IMMP2L: variants seen among roughly 807,000 people sequenced by gnomAD.
IMMP2L encodes mitochondrial inner membrane protease subunit 2.
A neutral mutation model predicts 19.3 loss-of-function variants in IMMP2L; 18 were observed. The ratio of observed to expected loss-of-function variants is 0.93; its 90% CI spans 0.64 to 1.38. The LOEUF (loss-of-function observed/expected upper bound fraction) is 1.38. Ranked by LOEUF, IMMP2L falls within the 40% of genes most tolerant of loss-of-function variation. The probability of loss-of-function intolerance (pLI) is 0.00; values close to 1 mark genes in which losing one functional copy is unlikely to be tolerated. For missense variants in IMMP2L, 233 were observed against 218.2 expected, an observed-to-expected ratio of 1.07 and a Z score of -0.43; for synonymous variants, 76 against 73.0, an observed-to-expected ratio of 1.04 and a Z score of -0.21.
intron 5 of IMMP2L, among the ~76,000 whole-genome samples, chr7:110,867,226 G>A (rs958485346): frequency 1.4e-4 from 21 of 151,928 alleles, no homozygotes; most frequent in African/African-American, 4.8e-4. Context: ...TTACTGACTT[G>A]CTGATGGCTG....
intron 3 of IMMP2L, among the ~76,000 whole-genome samples, chr7:111,151,842 A>G (rs1804107713): frequency 6.6e-6 from 1 of 152,146 alleles, no homozygotes; most frequent in Non-Finnish European, 1.5e-5. Flanking sequence ...AGGCTGAGGC[A>G]CAAGAATCGT....
intron 5 of IMMP2L, among the ~76,000 whole-genome samples, chr7:110,813,416 G>A (rs1403311831): frequency 6.6e-6 from 1 of 150,568 alleles, no homozygotes. Context: ...AAAACATAAA[G>A]TTAAAACATT....
intron 5 of IMMP2L, among the ~76,000 whole-genome samples, chr7:110,770,997 T>C (rs1798995190): frequency 6.6e-6 from 1 of 152,124 alleles, no homozygotes; most frequent in Admixed American, 6.5e-5. Context: ...CTATCAGGGA[T>C]ACTCAGAATT....
chr7:111,131,464 A>C (rs1801839540), intron 3 of IMMP2L, among the ~76,000 whole-genome samples: 1 of 152,000 alleles, frequency 6.6e-6, no homozygotes, highest in Non-Finnish European at 1.5e-5. Flanking sequence ...AGGAAGGAAA[A>C]AGGAAAGGAA....
At chr7:111,043,078 C>T (rs1024081165) in intron 3 of IMMP2L, among the ~76,000 whole-genome samples, 2 of 152,178 alleles carry the variant, frequency 1.3e-5, no homozygotes, top group East Asian at 3.9e-4. Context: ...ATACTACACT[C>T]CCACTCCACC....
chr7:110,842,094 G>A (rs1383789758), intron 5 of IMMP2L, among the ~76,000 whole-genome samples: 2 of 152,046 alleles, frequency 1.3e-5, no homozygotes, highest in South Asian at 2.1e-4. Flanking sequence ...AGCCCAAAAG[G>A]ATTACAATTT....
intron 5 of IMMP2L, among the ~76,000 whole-genome samples, chr7:110,738,777 T>C (rs540523506): frequency 6.6e-6 from 1 of 152,296 alleles, no homozygotes; most frequent in East Asian, 1.9e-4. Context: ...CATCAGGTTA[T>C]CTAAAGACAA....
chr7:111,171,930 G>A (rs1442637768), intron 3 of IMMP2L, among the ~76,000 whole-genome samples: 1 of 140,742 alleles, frequency 7.1e-6, no homozygotes, highest in Non-Finnish European at 1.6e-5. Flanking sequence ...TAGGGGTGAA[G>A]AAAGGAATAA....
intron 3 of IMMP2L, among the ~76,000 whole-genome samples, chr7:111,071,212 A>C (rs1247289328): frequency 6.6e-6 from 1 of 152,152 alleles, no homozygotes; most frequent in Non-Finnish European, 1.5e-5. Flanking sequence ...TTAAATCCCC[A>C]CACATACAAA....
At chr7:110,827,094 A>T (rs1338635673) in intron 5 of IMMP2L, among the ~76,000 whole-genome samples, 2 of 152,118 alleles carry the variant, frequency 1.3e-5, no homozygotes, top group Non-Finnish European at 2.9e-5. Flanking sequence ...ATTTCTTAGC[A>T]TTCTAATAAA....
chr7:111,395,407 T>TG (rs1265493001), intron 3 of IMMP2L, among the ~76,000 whole-genome samples: 2 of 152,230 alleles, frequency 1.3e-5, no homozygotes, highest in African/African-American at 2.4e-5. Flanking sequence ...CTCCACACAT[T>TG]ACTACATGAA....
chr7:110,837,353 G>T (rs1417249953), intron 5 of IMMP2L, among the ~76,000 whole-genome samples: 9 of 151,778 alleles, frequency 5.9e-5, no homozygotes, highest in Non-Finnish European at 1.3e-4. Context: ...AGAAAAGAGG[G>T]GAAGGAAACA....
intron 3 of IMMP2L, among the ~76,000 whole-genome samples, chr7:111,466,900 G>A (rs1245753094): frequency 6.6e-6 from 1 of 152,092 alleles, no homozygotes; most frequent in Non-Finnish European, 1.5e-5. Context: ...ACAAAATGAT[G>A]TCCATAGGTT....
intron 3 of IMMP2L, among the ~76,000 whole-genome samples, chr7:111,049,273 G>T (rs1792773109): frequency 6.6e-6 from 1 of 150,956 alleles, no homozygotes; most frequent in African/African-American, 2.4e-5. Context: ...TGGGACTACA[G>T]GCGCCCGCCA....
chr7:111,491,577 G>T (rs1843107648), intron 2 of IMMP2L, among the ~76,000 whole-genome samples: 1 of 152,086 alleles, frequency 6.6e-6, no homozygotes, highest in Admixed American at 6.6e-5. Context: ...GAGTTGATAT[G>T]GTAGCATAAG....
At chr7:110,670,870 C>G (rs1040009303) in intron 5 of IMMP2L, among the ~76,000 whole-genome samples, 1 of 152,128 alleles carries the variant, frequency 6.6e-6, no homozygotes, top group Non-Finnish European at 1.5e-5. Flanking sequence ...GTATAAATAA[C>G]TCTTCCAATA....
chr7:111,519,337 G>T (rs1021876751), intron 2 of IMMP2L, among the ~76,000 whole-genome samples: 10 of 152,092 alleles, frequency 6.6e-5, no homozygotes, highest in Non-Finnish European at 1.5e-5. Context: ...TGCCTTCCTT[G>T]TGTGTATATA....
At chr7:110,925,698 G>C (rs1382099336) in intron 4 of IMMP2L, among the ~76,000 whole-genome samples, 2 of 152,062 alleles carry the variant, frequency 1.3e-5, no homozygotes, top group South Asian at 2.1e-4. Flanking sequence ...CACAGTCTGT[G>C]TCCTATATTG....
At chr7:111,491,086 G>T (rs1843059010) in intron 2 of IMMP2L, among the ~76,000 whole-genome samples, 1 of 151,868 alleles carries the variant, frequency 6.6e-6, no homozygotes, top group African/African-American at 2.4e-5. Flanking sequence ...AAGACAGTGA[G>T]GATGAAGTCC....
Sources: allele counts gnomAD v4.1 joint callset (sites outside exome capture counted in the v4.1 genomes callset), GRCh38; gene constraint gnomAD v4.1.1; transcripts MANE v1.5; gene names NCBI Gene and HGNC (gene_info 2026-07-23, HGNC 2026-07-21).